The following ROCK1 variants were observed in gnomAD, a reference collection of about 807,000 sequenced individuals.
The protein encoded by ROCK1 is rho-associated protein kinase 1.
ROCK1 carries 36 observed loss-of-function variants against 196.8 expected under a neutral mutation model. The ratio of observed to expected loss-of-function variants is 0.18; its 90% CI spans 0.14 to 0.24. The LOEUF (loss-of-function observed/expected upper bound fraction) is 0.24. ROCK1 is among the 10% of genes least tolerant of loss of function. The probability of loss-of-function intolerance (pLI) is 1.00; values close to 1 mark genes in which losing one functional copy is unlikely to be tolerated. For synonymous variants in ROCK1, 443 were observed against 515.9 expected (o/e 0.86, Z 1.91); for missense variants, 920 against 1,562.0 (o/e 0.59, Z 6.93).
chr18:21,033,203 A>C (rs1280142112), intron 9 of ROCK1, among the ~76,000 whole-genome samples: 1 of 152,160 alleles, frequency 6.6e-6, no homozygotes, highest in African/African-American at 2.4e-5. Context: ...TCTCTATTAA[A>C]AAAATAAAAT....
At chr18:21,053,933 TG>T (rs2036225927) in intron 2 of ROCK1, among the ~76,000 whole-genome samples, 1 of 152,168 alleles carries the variant, frequency 6.6e-6, no homozygotes, top group Non-Finnish European at 1.5e-5. Flanking sequence ...TGTGATATGG[TG>T]ATACATATAG....
intron 1 of ROCK1, among the ~76,000 whole-genome samples, chr18:21,103,865 G>A (rs941319925): frequency 2.0e-5 from 3 of 152,160 alleles, no homozygotes; most frequent in African/African-American, 4.8e-5. Flanking sequence ...AGATTTAATA[G>A]CAAAACAAGA....
chr18:21,007,071 G>A (rs1193020645), intron 14 of ROCK1, among the ~76,000 whole-genome samples: 1 of 152,000 alleles, frequency 6.6e-6, no homozygotes, highest in Non-Finnish European at 1.5e-5. Context: ...TACTTATAAA[G>A]CTAGTTTTAA....
intron 32 of ROCK1, among the ~76,000 whole-genome samples, chr18:20,952,361 GAC>G (rs1447481756): frequency 6.7e-6 from 1 of 149,914 alleles, no homozygotes; most frequent in Non-Finnish European, 1.5e-5. Context: ...TGGCCTGGGT[GAC>G]AGAGCGAGAC....
chr18:21,067,554 T>C (rs1281055109), intron 2 of ROCK1, among the ~76,000 whole-genome samples: 1 of 151,968 alleles, frequency 6.6e-6, no homozygotes, highest in African/African-American at 2.4e-5. Flanking sequence ...TGTCTGCTAA[T>C]TTTTGCATTT....
At chr18:21,064,798 AC>A (rs1353216554) in intron 2 of ROCK1, among the ~76,000 whole-genome samples, 1 of 152,164 alleles carries the variant, frequency 6.6e-6, no homozygotes, top group Non-Finnish European at 1.5e-5. Flanking sequence ...CTGTGGAAGA[AC>A]CTTGCTTTCT....
chr18:21,005,798 C>T (rs1016187146), intron 16 of ROCK1, among the ~76,000 whole-genome samples: 1 of 152,018 alleles, frequency 6.6e-6, no homozygotes, highest in Non-Finnish European at 1.5e-5. Flanking sequence ...AATTGCTTGA[C>T]CTCAGGAGTT....
chr18:21,064,654 G>A (rs926800379), intron 2 of ROCK1, among the ~76,000 whole-genome samples: 1 of 152,216 alleles, frequency 6.6e-6, no homozygotes, highest in African/African-American at 2.4e-5. Flanking sequence ...CTTTTCACAA[G>A]TTGTGGCTCA....
intron 16 of ROCK1, among the ~76,000 whole-genome samples, chr18:21,003,751 T>C (rs2035746196): frequency 6.6e-6 from 1 of 151,990 alleles, no homozygotes; most frequent in Non-Finnish European, 1.5e-5. Flanking sequence ...AATCCAAAAA[T>C]CCAAAATGCT....
intron 21 of ROCK1, 146 bp downstream of exon 21, chr18:20,982,617 C>A (rs1246623060): frequency 9.7e-6 from 5 of 514,830 alleles, no homozygotes; most frequent in Non-Finnish European, 1.7e-5. Context: ...AACAAATGGA[C>A]AAACAAAAAG....
chr18:20,997,730 T>C (rs1442424550), intron 16 of ROCK1, among the ~76,000 whole-genome samples: 2 of 152,198 alleles, frequency 1.3e-5, no homozygotes, highest in Non-Finnish European at 2.9e-5. Flanking sequence ...AGACCATATG[T>C]TACTCCACAA....
At chr18:20,975,735 C>T (rs1402571707) in intron 22 of ROCK1, among the ~76,000 whole-genome samples, 7 of 152,104 alleles carry the variant, frequency 4.6e-5, no homozygotes, top group Non-Finnish European at 8.8e-5. Context: ...CTCAGCCTCC[C>T]GAGTAGCTGG....
intron 27 of ROCK1, among the ~76,000 whole-genome samples, chr18:20,964,679 T>A (rs1201491999): frequency 6.6e-6 from 1 of 152,206 alleles, no homozygotes; most frequent in Admixed American, 6.5e-5. Flanking sequence ...TTTGATAACC[T>A]TAAAAACAAA....
intron 9 of ROCK1, among the ~76,000 whole-genome samples, chr18:21,039,023 A>C (rs2036082692): frequency 6.6e-6 from 1 of 152,192 alleles, no homozygotes; most frequent in South Asian, 2.1e-4. Context: ...AATATCCTAT[A>C]AACTCATAAA....
chr18:20,955,406 A>C, intron 29 of ROCK1, 161 bp from the exon 30 acceptor site: 1 of 924,174 alleles, frequency 1.1e-6, no homozygotes, highest in Non-Finnish European at 1.6e-6. Context: ...GTGTCACTAC[A>C]CATCTATCAG....
Position 20,946,920 on chromosome 18 carries a change from CAATTT to C in ROCK1, c.*4459_*4463del, listed in dbSNP as rs1411109980. 7.2e-5 allele frequency: 11 copies of C among 152,150 alleles called. No homozygotes were observed. The highest frequency in any genetic ancestry group is 1.5e-4 in the Non-Finnish European group (10 of 68,010). The allele number at this position is 152,150 out of a possible 1,614,324, so 9.4% of individuals were successfully genotyped here. A position where few individuals can be genotyped will look rare whatever the true frequency, so the allele number is the denominator to read the frequency against. ...ATCCAGGCAAATGAACCACTTAATT[CAATTT>C]AATAGCCAAACCATCCTACATGGTA... is the stretch of plus-strand genomic sequence containing the variant. On this transcript the variant is annotated 3_prime_UTR_variant, in exon 33 of 33. Coordinates refer to ENST00000399799, the MANE Select transcript of ROCK1 (RefSeq NM_005406.3).
chr18:21,077,915 A>T (rs115781546), intron 1 of ROCK1, among the ~76,000 whole-genome samples: 1,672 of 152,310 alleles, frequency 0.011, 26 homozygotes, highest in African/African-American at 0.034. Flanking sequence ...AGCTGAATAC[A>T]AGCTAAAGGA....
intron 17 of ROCK1, 148 bp from the exon 18 acceptor site, chr18:20,991,474 T>C: frequency 1.7e-6 from 1 of 591,870 alleles, no homozygotes; most frequent in Non-Finnish European, 2.8e-6. Flanking sequence ...AGATAATCTT[T>C]TCTTTACCCC....
chr18:20,995,126 TAACA>T (rs1273486813), intron 16 of ROCK1, among the ~76,000 whole-genome samples: 1 of 152,170 alleles, frequency 6.6e-6, no homozygotes, highest in Non-Finnish European at 1.5e-5. Flanking sequence ...TGACTATAGT[TAACA>T]ATAACATACT....
Sources: gnomAD v4.1 joint callset for allele counts (sites outside exome capture counted in the v4.1 genomes callset) on GRCh38, gnomAD v4.1.1 for gene constraint, MANE v1.5 for transcripts, NCBI Gene and HGNC (gene_info 2026-07-23, HGNC 2026-07-21) for gene names.